The following TRPM4 variants were observed in gnomAD, a reference collection of about 807,000 sequenced individuals.
TRPM4 encodes calcium-activated non-selective cation channel 1.
A neutral mutation model predicts 135.6 loss-of-function variants in TRPM4; 124 were observed. That is an observed-to-expected ratio of 0.91 (90% CI 0.79 to 1.06). The LOEUF is 1.06. TRPM4 is among the 50% of genes least tolerant of loss of function. TRPM4 has a pLI of 0.00. For missense variants in TRPM4, 1,658 were observed against 1,671.4 expected, an observed-to-expected ratio of 0.99 and a Z score of 0.14; for synonymous variants, 745 against 705.6, an observed-to-expected ratio of 1.06 and a Z score of -0.88.
chr19:49,168,632 CCTT>C lies in TRPM4; in HGVS notation c.697_699del (p.Phe233del). On this transcript the variant is annotated inframe_deletion, in exon 6 of 25. Coordinates refer to ENST00000252826, the MANE Select transcript of TRPM4 (RefSeq NM_017636.4). ...TTTCCCCTGGACTACAACTACTCGG[CCTT>C]CTTCCTGGTGGACGACGGCACACAC... The C allele has an allele frequency of 6.2e-7, 1 of 1,613,736 alleles. No individual in the cohort carries two copies. Among genetic ancestry groups the C allele is most frequent in the African/African-American group, 1.3e-5 (1 of 75,034 alleles).
intron 17 of TRPM4, among the ~76,000 whole-genome samples, chr19:49,197,901 C>G (rs760584806): frequency 1.3e-4 from 20 of 151,882 alleles, no homozygotes; most frequent in Non-Finnish European, 2.4e-4. Flanking sequence ...ATTGACCAGG[C>G]TGGTCTTGAA....
chr19:49,205,868 C>G (rs1969129319), intron 20 of TRPM4, among the ~76,000 whole-genome samples: 1 of 151,916 alleles, frequency 6.6e-6, no homozygotes, highest in Non-Finnish European at 1.5e-5. Flanking sequence ...GGATACAATT[C>G]AATGCATGAC....
chr19:49,205,787 C>T (rs1170987772), intron 20 of TRPM4, among the ~76,000 whole-genome samples: 2 of 151,654 alleles, frequency 1.3e-5, no homozygotes, highest in East Asian at 2.0e-4. Flanking sequence ...GCACCTGCCT[C>T]GGCCTCCCAA....
At chr19:49,185,782 A>C (rs2122964017) in intron 12 of TRPM4, among the ~76,000 whole-genome samples, 2 of 150,752 alleles carry the variant, frequency 1.3e-5, no homozygotes, top group Admixed American at 6.6e-5. Flanking sequence ...ATGGAGTCTC[A>C]CTCTGTGGCC....
At position 49,211,509 on chromosome 19, in the gene TRPM4, C is replaced by T. The variant is rs776934060; in HGVS notation, c.*11C>T. ...CTTCCCCCAGACTGAGCCCTGCTGG[C>T]GGACTTCAAGGAGAAGCCCCCACAG... is the stretch of plus-strand genomic sequence containing the variant. On this transcript the variant is annotated 3_prime_UTR_variant, in exon 25 of 25. Coordinates refer to ENST00000252826, the MANE Select transcript of TRPM4 (RefSeq NM_017636.4). This position sits in a 1 kb window ranked among gnomAD's most constrained non-coding sequence, Gnocchi z 4.8. 9 of 1,614,038 alleles carry T rather than the reference C, an allele frequency of 5.6e-6. No homozygotes were observed. The highest frequency in any genetic ancestry group is 6.8e-6 in the Non-Finnish European group (8 of 1,180,030).
chr19:49,190,877 T>G, intron 16 of TRPM4, 104 bp downstream of exon 16: 1 of 974,892 alleles, frequency 1.0e-6, no homozygotes, highest in Non-Finnish European at 1.6e-6. Context: ...TGCTACAAAG[T>G]TGCTAAACCT....
chr19:49,203,613 C>T (rs904421975), intron 20 of TRPM4, among the ~76,000 whole-genome samples: 3 of 152,196 alleles, frequency 2.0e-5, no homozygotes, highest in Non-Finnish European at 2.9e-5. Flanking sequence ...GAAACAGCAA[C>T]TCCCCACTTC....
Position 49,190,780 on chromosome 19 carries a change from G to A in TRPM4, c.2210+7G>A, listed in dbSNP as rs769804207. ...ATGGGGAAGGGCCTGTCGGGTGAGTGGAGCCTCCAGCACTGTGTGAGGTGG... is the reference window on the plus strand; with the variant it reads ...ATGGGGAAGGGCCTGTCGGGTGAGTAGAGCCTCCAGCACTGTGTGAGGTGG... On this transcript the variant is annotated splice_region_variant and intron_variant, in intron 16 of 24. Coordinates refer to ENST00000252826, the MANE Select transcript of TRPM4 (RefSeq NM_017636.4). 1 of 1,613,998 alleles carries A rather than the reference G, an allele frequency of 6.2e-7. No homozygotes were observed. Among genetic ancestry groups the A allele is most frequent in the Non-Finnish European group, 8.5e-7 (1 of 1,179,888 alleles).
Position 49,196,859 on chromosome 19 carries a change from T to C in TRPM4, c.2630T>C (p.Leu877Pro). The C allele has an allele frequency of 6.3e-7, 1 of 1,583,638 alleles. No individual in the cohort carries two copies. The highest frequency in any genetic ancestry group is 8.5e-7 in the Non-Finnish European group (1 of 1,173,330). Residue 877 changes from leucine (L) to proline (P), a missense_variant, in exon 17 of 25, where the codon CTG becomes CCG. This residue lies in a region of TRPM4 where 1,412 missense variants were observed against 1,408.7 expected (regional missense o/e 1.00). Transcript: ENST00000252826. ...CDLVALTCFL[L>P]GVGCRLTPGL... Reference sequence around the variant, plus strand: ...CTAGTGGCTCTCACCTGCTTCCTCCTGGGCGTGGGCTGCCGGTGAGTGCCC... The same window carrying C: ...CTAGTGGCTCTCACCTGCTTCCTCCCGGGCGTGGGCTGCCGGTGAGTGCCC...
At chr19:49,164,203 CCTTT>C (rs1262598302) in intron 2 of TRPM4, among the ~76,000 whole-genome samples, 1 of 139,344 alleles carries the variant, frequency 7.2e-6, no homozygotes, top group Non-Finnish European at 1.6e-5. Context: ...CTTCTTTCTT[CCTTT>C]CTCTTTCTTT....
intron 20 of TRPM4, among the ~76,000 whole-genome samples, chr19:49,205,243 C>G (rs1969104981): frequency 6.6e-6 from 1 of 152,110 alleles, no homozygotes; most frequent in Non-Finnish European, 1.5e-5. Context: ...AAGCTGTTTT[C>G]TTCTGAGGGA....
chr19:49,161,269 T>A (rs773114811), intron 2 of TRPM4, among the ~76,000 whole-genome samples: 13 of 150,028 alleles, frequency 8.7e-5, no homozygotes, highest in African/African-American at 1.7e-4. Context: ...CGTGTGTTTG[T>A]GTGTGTGTGT....
chr19:49,186,926 CTG>C (rs1968217988), intron 12 of TRPM4, among the ~76,000 whole-genome samples: 1 of 151,184 alleles, frequency 6.6e-6, no homozygotes, highest in South Asian at 2.1e-4. Flanking sequence ...CACTTTTTCT[CTG>C]GGGAAAGCTC....
At chr19:49,183,899 G>A (rs1450427201) in intron 12 of TRPM4, among the ~76,000 whole-genome samples, 18 of 150,856 alleles carry the variant, frequency 1.2e-4, no homozygotes, top group South Asian at 4.2e-4. Context: ...TCAGCCTCCC[G>A]AGTAGCTGGG....
chr19:49,162,080 G>A (rs185143275), intron 2 of TRPM4, among the ~76,000 whole-genome samples: 4 of 152,318 alleles, frequency 2.6e-5, no homozygotes, highest in Admixed American at 1.3e-4. Context: ...TGAAGCAGCC[G>A]GGGCGGGGAG....
chr19:49,196,863 C>A lies in TRPM4; in HGVS notation c.2634C>A (p.Gly878=). The change falls in exon 17 of 25, where the codon GGC becomes GGA. Residue 878 remains glycine, a synonymous_variant. Coordinates refer to ENST00000252826, the MANE Select transcript of TRPM4 (RefSeq NM_017636.4). The part of the protein sequence containing the change: ...DLVALTCFLL[G]VGCRLTPGLY... ...TGGCTCTCACCTGCTTCCTCCTGGG[C>A]GTGGGCTGCCGGTGAGTGCCCCGGG... The A allele has an allele frequency of 1.3e-6, 2 of 1,581,218 alleles. No individual in the cohort carries two copies. The highest frequency in any genetic ancestry group is 8.5e-7 in the Non-Finnish European group (1 of 1,172,302).
chr19:49,163,256 C>T (rs1967037742), intron 2 of TRPM4, among the ~76,000 whole-genome samples: 1 of 150,098 alleles, frequency 6.7e-6, no homozygotes, highest in Admixed American at 6.7e-5. Flanking sequence ...AGTGCAGTGG[C>T]ACAATCTCTG....
chr19:49,196,557 G>A lies in TRPM4; in HGVS notation c.2328G>A (p.Trp776Ter), dbSNP rs762964424. The change falls in exon 17 of 25, where the codon TGG becomes TGA. Residue 776 changes from tryptophan to a stop codon, truncating the protein, a stop_gained. Coordinates refer to ENST00000252826, the MANE Select transcript of TRPM4 (RefSeq NM_017636.4). LOFTEE classifies it high-confidence loss of function. ...GCCTACGCCGCTGGTTCCACTTCTG[G>A]GGCGCGCCGGTGACCATCTTCATGG... ...RRCLRRWFHF[W>*]GAPVTIFMGN... 9.6e-6 allele frequency: 15 copies of A among 1,554,746 alleles called. No homozygotes were observed. The highest frequency in any genetic ancestry group is 5.9e-5 in the South Asian group (5 of 84,810).
chr19:49,158,438 TC>T, intron 2 of TRPM4, 179 bp downstream of exon 2: 1 of 651,870 alleles, frequency 1.5e-6, no homozygotes. Context: ...CACCCCTCAT[TC>T]CCCATTCGCC....
Sources: allele counts gnomAD v4.1 joint callset (sites outside exome capture counted in the v4.1 genomes callset), GRCh38; gene constraint gnomAD v4.1.1; regional missense constraint gnomAD v4.1.1; non-coding constraint Gnocchi (gnomAD v3.1); transcripts MANE v1.5; gene names NCBI Gene and HGNC (gene_info 2026-07-23, HGNC 2026-07-21).